Variants in ATP9B observed in about 807,000 individuals in gnomAD.
ATP9B encodes probable phospholipid-transporting ATPase IIB.
Under a neutral mutation model 146.1 loss-of-function variants are expected in ATP9B, and 110 were observed. The ratio of observed to expected loss-of-function variants is 0.75; its 90% CI spans 0.65 to 0.88. ATP9B has a LOEUF of 0.88. Among genes scored for constraint, ATP9B ranks in the 40% least tolerant of loss-of-function variants. The pLI is 0.00. For missense variants in ATP9B, 1,499 were observed against 1,496.4 expected, an observed-to-expected ratio of 1.00 and a Z score of -0.03; for synonymous variants, 604 against 569.7, an observed-to-expected ratio of 1.06 and a Z score of -0.86.
intron 11 of ATP9B, among the ~76,000 whole-genome samples, chr18:79,251,433 T>C (rs2096022391): frequency 6.6e-6 from 1 of 152,262 alleles, no homozygotes. Context: ...GATTCTGTTT[T>C]ATAACATAGA....
At chr18:79,169,056 T>C (rs940779167) in intron 7 of ATP9B, among the ~76,000 whole-genome samples, 1 of 152,072 alleles carries the variant, frequency 6.6e-6, no homozygotes, top group Admixed American at 6.5e-5. Context: ...TCCTGCCTCG[T>C]TGAGGAGACT....
At chr18:79,339,980 G>GA (rs1568748674) in intron 19 of ATP9B, among the ~76,000 whole-genome samples, 1 of 152,146 alleles carries the variant, frequency 6.6e-6, no homozygotes, top group African/African-American at 2.4e-5. Flanking sequence ...TGATTAATGA[G>GA]AAGCAGATGA....
chr18:79,071,415 A>ATTTTTTTTTTTTTTT (rs2071796894), intron 1 of ATP9B, among the ~76,000 whole-genome samples: 1 of 1,584 alleles, frequency 6.3e-4, no homozygotes, highest in Non-Finnish European at 2.6e-3. Flanking sequence ...TTTTTTTTTG[A>ATTTTTTTTTTTTTTT]GACAGGGTCT....
In ATP9B at chr18:79,298,378, G is replaced by A. The variant is rs539978878; in HGVS notation, c.1412-5226G>A. Among the ~76,000 whole-genome samples, 19 of 146,070 alleles carry A rather than the reference G, an allele frequency of 1.3e-4. 3 individuals carry two copies. In the South Asian group the frequency reaches 1.5e-3, roughly 12 times the overall value. ...CCGTTTATAATTCCTTGAAAAAAGC[G>A]CGGTACTTAGCCGTGAATCTAATAT... On this transcript the variant is annotated intron_variant, in intron 13 of 29. Coordinates refer to ENST00000426216, the MANE Select transcript of ATP9B (RefSeq NM_198531.5).
chr18:79,225,078 T>G (rs1427314744), intron 11 of ATP9B, among the ~76,000 whole-genome samples: 1 of 152,158 alleles, frequency 6.6e-6, no homozygotes, highest in Non-Finnish European at 1.5e-5. Flanking sequence ...TGATTTTCCT[T>G]AAGGCATAGT....
intron 13 of ATP9B, among the ~76,000 whole-genome samples, chr18:79,290,732 G>A (rs974110438): frequency 7.9e-5 from 12 of 152,344 alleles, no homozygotes; most frequent in Admixed American, 5.2e-4. Context: ...CTGTAGACTG[G>A]AGCTGTTCCT....
chr18:79,348,249 A>C, intron 25 of ATP9B, 53 bp downstream of exon 25: 15 of 18,896 alleles, frequency 7.9e-4, no homozygotes, highest in East Asian at 0.013. Flanking sequence ...TTCTATTTTG[A>C]AAAAAAAAAA....
intron 25 of ATP9B, among the ~76,000 whole-genome samples, chr18:79,349,112 G>A (rs1182174196): frequency 6.6e-6 from 1 of 152,200 alleles, no homozygotes. Flanking sequence ...CTGTGAAGAG[G>A]GAATAGGTGG....
At chr18:79,347,946 G>GC in intron 24 of ATP9B, 21 bp downstream of exon 24, 1 of 1,610,352 alleles carries the variant, frequency 6.2e-7, no homozygotes, top group Non-Finnish European at 8.5e-7. Context: ...TTCTGTGCTG[G>GC]CACCCATGGA....
intron 6 of ATP9B, among the ~76,000 whole-genome samples, chr18:79,152,642 C>CT (rs546120303): frequency 2.0e-5 from 3 of 151,618 alleles, no homozygotes; most frequent in Admixed American, 6.6e-5. Context: ...GGGGAAAGAA[C>CT]TTTTTTTTTC....
At chr18:79,253,125 C>G (rs1338115112) in intron 11 of ATP9B, among the ~76,000 whole-genome samples, 1 of 152,238 alleles carries the variant, frequency 6.6e-6, no homozygotes, top group African/African-American at 2.4e-5. Flanking sequence ...GCGCCACCCT[C>G]CAGAGGCCGT....
chr18:79,244,247 C>T (rs987329592), intron 11 of ATP9B, among the ~76,000 whole-genome samples: 1 of 152,066 alleles, frequency 6.6e-6, no homozygotes. Flanking sequence ...GCTGGGCCAC[C>T]CCCCTGCCCT....
At chr18:79,083,994 C>G (rs2073550246) in intron 1 of ATP9B, among the ~76,000 whole-genome samples, 1 of 151,504 alleles carries the variant, frequency 6.6e-6, no homozygotes. Flanking sequence ...AAGTAGCTGG[C>G]ACTACAGGCA....
chr18:79,290,587 C>G (rs1161843386), intron 13 of ATP9B, among the ~76,000 whole-genome samples: 1 of 152,230 alleles, frequency 6.6e-6, no homozygotes, highest in Non-Finnish European at 1.5e-5. Flanking sequence ...AATGCCTCGC[C>G]CTGCTTCGGC....
intron 15 of ATP9B, among the ~76,000 whole-genome samples, chr18:79,325,966 C>G (rs2096742616): frequency 7.4e-6 from 1 of 135,698 alleles, no homozygotes; most frequent in African/African-American, 3.0e-5. Context: ...TCTCTGTACC[C>G]TCCCTCCCCT....
chr18:79,200,761 A>T (rs1568388821), intron 9 of ATP9B, among the ~76,000 whole-genome samples: 1 of 152,246 alleles, frequency 6.6e-6, no homozygotes, highest in African/African-American at 2.4e-5. Context: ...GGAGGTGGGA[A>T]CGTTGGGGTC....
chr18:79,131,023 T>C (rs996653450), intron 5 of ATP9B, among the ~76,000 whole-genome samples: 1 of 152,100 alleles, frequency 6.6e-6, no homozygotes, highest in African/African-American at 2.4e-5. Context: ...GAGCTGGGCA[T>C]GGTGGCATGC....
intron 4 of ATP9B, among the ~76,000 whole-genome samples, chr18:79,121,222 C>T (rs1028652196): frequency 1.1e-4 from 17 of 152,308 alleles, no homozygotes; most frequent in African/African-American, 4.1e-4. Context: ...GGACTAGCTC[C>T]GCATTGTTCT....
intron 4 of ATP9B, among the ~76,000 whole-genome samples, chr18:79,118,837 A>G (rs1356228334): frequency 6.6e-6 from 1 of 152,102 alleles, no homozygotes; most frequent in Non-Finnish European, 1.5e-5. Context: ...TGGGAGGCCA[A>G]GGCGGCAGGA....
Sources: gnomAD v4.1 joint callset for allele counts (sites outside exome capture counted in the v4.1 genomes callset) on GRCh38, gnomAD v4.1.1 for gene constraint, MANE v1.5 for transcripts, NCBI Gene and HGNC (gene_info 2026-07-23, HGNC 2026-07-21) for gene names.